TMEM67: variants seen among roughly 807,000 people sequenced by gnomAD.
The protein encoded by TMEM67 is transmembrane protein 67, also known as meckelin.
Under a neutral mutation model 136.6 loss-of-function variants are expected in TMEM67, and 124 were observed. The ratio of observed to expected loss-of-function variants is 0.91; its 90% CI spans 0.78 to 1.05. The LOEUF is 1.05. Among genes scored for constraint, TMEM67 ranks in the 50% least tolerant of loss-of-function variants. The pLI is 0.00. For synonymous variants in TMEM67, 364 were observed against 390.5 expected, an observed-to-expected ratio of 0.93 and a Z score of 0.80; for missense variants, 1,107 against 1,178.4, an observed-to-expected ratio of 0.94 and a Z score of 0.89.
intron 3 of TMEM67, among the ~76,000 whole-genome samples, chr8:93,761,299 C>G (rs1409684311): frequency 6.6e-6 from 1 of 151,986 alleles, no homozygotes; most frequent in Non-Finnish European, 1.5e-5. Context: ...AACTCCATCT[C>G]AAAATAAAAA....
chr8:93,765,515 T>C, intron 5 of TMEM67, 40 bp downstream of exon 5: 1 of 1,600,262 alleles, frequency 6.2e-7, no homozygotes. Context: ...ATATTTTTAA[T>C]TCAGTTGCTT....
chr8:93,808,309 A>G (rs1586088465), intron 23 of TMEM67, among the ~76,000 whole-genome samples: 1 of 142,354 alleles, frequency 7.0e-6, no homozygotes, highest in East Asian at 2.0e-4. Flanking sequence ...ATTATCATAT[A>G]TATTATAGAC....
chr8:93,826,157 G>A, the TMEM67 span, among the ~76,000 whole-genome samples: 1 of 87,652 alleles, frequency 1.1e-5, no homozygotes, highest in Admixed American at 1.8e-4. Context: ...TTTTTGAGTC[G>A]GAGTCTCTTT....
At chr8:93,822,250 C>A (rs1042320174), downstream of TMEM67, among the ~76,000 whole-genome samples, 5 of 152,202 alleles carry the variant, frequency 3.3e-5, no homozygotes, top group Non-Finnish European at 5.9e-5. Flanking sequence ...AAGTGCTCAA[C>A]CTTGTTAGTC....
At chr8:93,785,431 G>A in intron 12 of TMEM67, 53 bp downstream of exon 12, 1 of 1,538,782 alleles carries the variant, frequency 6.5e-7, no homozygotes, top group South Asian at 1.1e-5. Context: ...CAACAAATAA[G>A]TTAACCTACA....
At chr8:93,772,530 A>G (rs973447706) in intron 6 of TMEM67, 59 bp from the exon 7 acceptor site, 14 of 1,215,388 alleles carry the variant, frequency 1.2e-5, no homozygotes, top group Non-Finnish European at 1.7e-5. Context: ...TTCCCATTCA[A>G]CAATATGCAT....
Position 93,799,765 on chromosome 8 carries a change from A to C in TMEM67, c.2241+7A>C. 6.2e-7 allele frequency: 1 copy of C among 1,610,736 alleles called. No homozygotes were observed. ...AGCCATTGGAATTATACAGGTAAGGAATTATACAGGTAATATTACTTCTAA... is the reference window on the plus strand; with the variant it reads ...AGCCATTGGAATTATACAGGTAAGGCATTATACAGGTAATATTACTTCTAA... On this transcript the variant is annotated splice_region_variant and intron_variant, in intron 21 of 27. Transcript: ENST00000453321.
intron 3 of TMEM67, among the ~76,000 whole-genome samples, 168 bp from the exon 4 acceptor site, chr8:93,763,674 T>G (rs1423646607): frequency 6.6e-6 from 1 of 152,238 alleles, no homozygotes; most frequent in African/African-American, 2.4e-5. Flanking sequence ...GGATCACTTC[T>G]CTACACTTTA....
chr8:93,831,932 G>T, the TMEM67 span, among the ~76,000 whole-genome samples: 1 of 152,192 alleles, frequency 6.6e-6, no homozygotes, highest in Non-Finnish European at 1.5e-5. Flanking sequence ...TGAAAGTCGG[G>T]AGTAATGGAG....
intron 14 of TMEM67, among the ~76,000 whole-genome samples, chr8:93,789,513 C>T (rs1316965717): frequency 6.6e-6 from 1 of 151,714 alleles, no homozygotes. Flanking sequence ...GGCATGGTGG[C>T]GCTTGCCTGT....
chr8:93,758,823 TC>T (rs1812693760), intron 3 of TMEM67: 1 of 436,956 alleles, frequency 2.3e-6, no homozygotes, highest in African/African-American at 2.0e-5. Flanking sequence ...GGTCTTGAAC[TC>T]CTGGCCTCGA....
chr8:93,760,336 A>G (rs1812772966), intron 3 of TMEM67, among the ~76,000 whole-genome samples: 1 of 152,236 alleles, frequency 6.6e-6, no homozygotes, highest in East Asian at 1.9e-4. Flanking sequence ...AAAACAGGCA[A>G]TCAGAATAGA....
chr8:93,767,291 G>A (rs1813122025), intron 6 of TMEM67, among the ~76,000 whole-genome samples: 1 of 152,180 alleles, frequency 6.6e-6, no homozygotes, highest in Admixed American at 6.5e-5. Context: ...GTCTACCTGT[G>A]CCACCACTGA....
In TMEM67 at chr8:93,809,263, C is replaced by CTT. The variant is rs537652149; in HGVS notation, c.2661+103_2661+104dup. ...TCTTCAAGTCAACCAAGTCAGTAAA[C>CTT]TTAGAACCCCCACCTTAAGACCTTC... On this transcript the variant is annotated intron_variant, in intron 25 of 27. Transcript: ENST00000453321. 4.2e-4 allele frequency: 318 copies of CTT among 755,370 alleles called. 1 individual carries two copies. The highest frequency in any genetic ancestry group is 3.0e-3 in the African/African-American group (175 of 58,722). The allele number at this position is 755,370 out of a possible 1,614,324, so 46.8% of individuals were successfully genotyped here. A position where few individuals can be genotyped will look rare whatever the true frequency, so the allele number is the denominator to read the frequency against.
intron 23 of TMEM67, among the ~76,000 whole-genome samples, chr8:93,807,448 A>G (rs1488253914): frequency 6.6e-6 from 1 of 152,120 alleles, no homozygotes; most frequent in African/African-American, 2.4e-5. Context: ...TATTTTGTAG[A>G]ATATTTGATG....
At chr8:93,810,107 T>G in intron 26 of TMEM67, 1 of 376,932 alleles carries the variant, frequency 2.7e-6, no homozygotes. Flanking sequence ...TAGCTGGGAC[T>G]ACAGGCGCCC....
chr8:93,789,947 A>G (rs148459636), intron 14 of TMEM67, among the ~76,000 whole-genome samples: 2,763 of 151,168 alleles, frequency 0.018, 84 homozygotes, highest in African/African-American at 0.061. Context: ...GCATGGTGGC[A>G]GGTACCTGTA....
chr8:93,813,366 A>T (rs1032873839), intron 26 of TMEM67, among the ~76,000 whole-genome samples: 1 of 151,912 alleles, frequency 6.6e-6, no homozygotes, highest in Admixed American at 6.6e-5. Flanking sequence ...TTTAGTAGAG[A>T]TGGAGTTTCA....
chr8:93,755,751 CTTTT>C lies in TMEM67; in HGVS notation c.224-6_224-3del, dbSNP rs587779735. 1.8e-3 allele frequency: 1,118 copies of C among 631,672 alleles called. No homozygotes were observed. The highest frequency in any genetic ancestry group is 0.011 in the Admixed American group (319 of 28,592). 39.1% of individuals were successfully genotyped at this position (631,672 alleles called of 1,614,324 possible). ...TTTTATTTATCAAGGATAAAATTGG[CTTTT>C]TTTTTTTTTTTTTTTTTTTTAGGAA... On this transcript the variant is annotated intron_variant, in intron 1 of 27. Coordinates refer to ENST00000453321, the MANE Select transcript of TMEM67 (RefSeq NM_153704.6).
Sources: gnomAD v4.1 joint callset for allele counts (sites outside exome capture counted in the v4.1 genomes callset) on GRCh38, gnomAD v4.1.1 for gene constraint, MANE v1.5 for transcripts, NCBI Gene and HGNC (gene_info 2026-07-23, HGNC 2026-07-21) for gene names.